The following ASXL3 variants were observed in gnomAD, a reference collection of about 807,000 sequenced individuals.
ASXL3 encodes ASXL transcriptional regulator 3, also known as putative Polycomb group protein ASXL3.
ASXL3 carries 34 observed loss-of-function variants against 170.6 expected under a neutral mutation model. That is an observed-to-expected ratio of 0.20 (90% CI 0.15 to 0.27). ASXL3 has a LOEUF of 0.27. ASXL3 is among the 10% of genes least tolerant of loss of function. The pLI is 1.00. For synonymous variants in ASXL3, 1,002 were observed against 989.1 expected (o/e 1.01, Z -0.24); for missense variants, 2,592 against 2,695.3 (o/e 0.96, Z 0.85).
chr18:33,674,601 T>C (rs550029964), intron 7 of ASXL3, among the ~76,000 whole-genome samples: 1 of 151,564 alleles, frequency 6.6e-6, no homozygotes, highest in African/African-American at 2.4e-5. Context: ...AATGTAACCA[T>C]CTCCAGAAAG....
At chr18:33,683,809 C>A (rs1052820136) in intron 8 of ASXL3, among the ~76,000 whole-genome samples, 4 of 152,086 alleles carry the variant, frequency 2.6e-5, no homozygotes, top group Non-Finnish European at 5.9e-5. Flanking sequence ...TATAAACTTA[C>A]ATTGGAAAGG....
At chr18:33,741,264 C>G (rs1239806438) in intron 11 of ASXL3, among the ~76,000 whole-genome samples, 1 of 152,012 alleles carries the variant, frequency 6.6e-6, no homozygotes, top group African/African-American at 2.4e-5. Flanking sequence ...GTCATATGGA[C>G]TTTATGTAAA....
chr18:33,597,360 A>G (rs1015607245), intron 1 of ASXL3, among the ~76,000 whole-genome samples: 2 of 151,898 alleles, frequency 1.3e-5, no homozygotes, highest in African/African-American at 4.8e-5. Flanking sequence ...CCACTTTCTC[A>G]TGGACATCCT....
chr18:33,644,943 C>A lies in ASXL3; in HGVS notation c.187C>A (p.Arg63=). ...CLNAMLHTNT[R]IGDGTFFKIP... ...GAATGCAATGCTTCACACTAACACTCGAATAGGGGATGGAACATTCTTCAA... is the reference window on the plus strand; with the variant it reads ...GAATGCAATGCTTCACACTAACACTAGAATAGGGGATGGAACATTCTTCAA... Residue 63 remains arginine (R), a synonymous_variant, in exon 3 of 12, where the codon CGA becomes AGA. Coordinates refer to ENST00000269197, the MANE Select transcript of ASXL3 (RefSeq NM_030632.3). The A allele has an allele frequency of 2.5e-6, 4 of 1,583,866 alleles. No individual in the cohort carries two copies. Among genetic ancestry groups the A allele is most frequent in the Admixed American group, 1.8e-5 (1 of 56,558 alleles).
At chr18:33,659,391 G>A (rs1422941902) in intron 4 of ASXL3, among the ~76,000 whole-genome samples, 1 of 152,060 alleles carries the variant, frequency 6.6e-6, no homozygotes, top group African/African-American at 2.4e-5. Flanking sequence ...GAACTAACCT[G>A]TAAGTTTCCA....
At chr18:33,722,183 C>T (rs1021013601) in intron 8 of ASXL3, among the ~76,000 whole-genome samples, 81 of 152,122 alleles carry the variant, frequency 5.3e-4, no homozygotes, top group African/African-American at 1.8e-3. Flanking sequence ...CAATTAATAA[C>T]CCTACAATGG....
intron 2 of ASXL3, among the ~76,000 whole-genome samples, chr18:33,638,212 A>G (rs940477388): frequency 2.5e-4 from 37 of 150,458 alleles, no homozygotes; most frequent in African/African-American, 8.0e-4. Flanking sequence ...TATGATATAT[A>G]TATATTATCA....
chr18:33,638,169 A>AT (rs1178257579), intron 2 of ASXL3, among the ~76,000 whole-genome samples: 2 of 150,162 alleles, frequency 1.3e-5, no homozygotes, highest in Non-Finnish European at 3.0e-5. Context: ...TAGTGTGTGT[A>AT]TATATATATC....
At chr18:33,730,008 CA>C (rs2067416605) in intron 8 of ASXL3, among the ~76,000 whole-genome samples, 1 of 152,062 alleles carries the variant, frequency 6.6e-6, no homozygotes. Flanking sequence ...CCTACTGGTC[CA>C]ACAGAATGAA....
Position 33,742,975 on chromosome 18 carries a change from G to A in ASXL3, c.3127G>A (p.Val1043Ile), listed in dbSNP as rs1264951215. Residue 1043 changes from valine (V) to isoleucine (I), a missense_variant, in exon 12 of 12, where the codon GTC becomes ATC. Coordinates refer to ENST00000269197, the MANE Select transcript of ASXL3 (RefSeq NM_030632.3). ...PESRASTSTSVSGGRNTGART... is the reference protein window; with the variant it reads ...PESRASTSTSISGGRNTGART... Reference sequence around the variant, plus strand: ...GTCTCGAGCATCCACTAGCACATCTGTCAGTGGCGGGAGGAACACAGGAGC... The same window carrying A: ...GTCTCGAGCATCCACTAGCACATCTATCAGTGGCGGGAGGAACACAGGAGC... 6 of 1,613,856 alleles carry A rather than the reference G, an allele frequency of 3.7e-6. No homozygotes were observed. Among genetic ancestry groups the A allele is most frequent in the East Asian group, 4.5e-5 (2 of 44,846 alleles).
At chr18:33,592,449 C>T (rs1434583356) in intron 1 of ASXL3, among the ~76,000 whole-genome samples, 1 of 152,132 alleles carries the variant, frequency 6.6e-6, no homozygotes, top group African/African-American at 2.4e-5. Flanking sequence ...TTAGGCATAA[C>T]CGTTTTTGTT....
At chr18:33,641,085 T>G (rs1029738402) in intron 2 of ASXL3, among the ~76,000 whole-genome samples, 2 of 152,130 alleles carry the variant, frequency 1.3e-5, no homozygotes, top group Non-Finnish European at 2.9e-5. Flanking sequence ...GCAAATAGTC[T>G]TCCAATTGCA....
chr18:33,625,041 C>A (rs991380387), intron 2 of ASXL3, among the ~76,000 whole-genome samples: 4 of 152,124 alleles, frequency 2.6e-5, no homozygotes, highest in Non-Finnish European at 5.9e-5. Context: ...AGGATCACTG[C>A]CACGTTAATA....
rs139614580 is a variant in ASXL3 at position 33,678,653 on chromosome 18, C to T, written c.716-4752C>T. 4.5e-3 allele frequency among the ~76,000 whole-genome samples: 682 copies of T among 152,288 alleles called. 4 individuals are homozygous for T. Among genetic ancestry groups the T allele is most frequent in the African/African-American group, 0.015 (644 of 41,566 alleles). Reference sequence around the variant, plus strand: ...GTTGGTTCTTTTCCCCTTTGCCCTACCTCAGACCCTCTAGGCTAAGTGGGA... The same window carrying T: ...GTTGGTTCTTTTCCCCTTTGCCCTATCTCAGACCCTCTAGGCTAAGTGGGA... On this transcript the variant is annotated intron_variant, in intron 7 of 11. Transcript: ENST00000269197.
At chr18:33,737,025 T>G (rs989211008) in intron 10 of ASXL3, among the ~76,000 whole-genome samples, 2 of 152,118 alleles carry the variant, frequency 1.3e-5, no homozygotes, top group Non-Finnish European at 2.9e-5. Flanking sequence ...CTTGACCTAG[T>G]CCCAAGGAAC....
At chr18:33,658,789 T>C (rs2066124514) in intron 4 of ASXL3, among the ~76,000 whole-genome samples, 1 of 152,068 alleles carries the variant, frequency 6.6e-6, no homozygotes, top group Admixed American at 6.6e-5. Context: ...CTTGATGTTT[T>C]TCTTGGGTCT....
chr18:33,616,361 C>T (rs1287814803), intron 2 of ASXL3, among the ~76,000 whole-genome samples: 3 of 151,464 alleles, frequency 2.0e-5, no homozygotes, highest in East Asian at 3.9e-4. Flanking sequence ...AAGTAGAAGT[C>T]GAGCCCCACA....
At chr18:33,720,648 C>G (rs2067244053) in intron 8 of ASXL3, among the ~76,000 whole-genome samples, 1 of 152,124 alleles carries the variant, frequency 6.6e-6, no homozygotes. Context: ...AGGTCCTCCA[C>G]AAGTTTGTTT....
Position 33,620,297 on chromosome 18 carries a change from T to C in ASXL3, c.137+12621T>C, listed in dbSNP as rs576609243. 9.9e-5 allele frequency among the ~76,000 whole-genome samples: 15 copies of C among 152,280 alleles called. 1 individual carries two copies. In the South Asian group the frequency reaches 2.9e-3, roughly 30 times the overall value. ...TTTGTGTTCATTGAAGATGACCTGA[T>C]GGTAGCTAGAAATAGAAAATTGGCA... On this transcript the variant is annotated intron_variant, in intron 2 of 11. Coordinates refer to ENST00000269197, the MANE Select transcript of ASXL3 (RefSeq NM_030632.3).
Sources: allele counts gnomAD v4.1 joint callset (sites outside exome capture counted in the v4.1 genomes callset), GRCh38; gene constraint gnomAD v4.1.1; transcripts MANE v1.5; gene names NCBI Gene and HGNC (gene_info 2026-07-23, HGNC 2026-07-21).